PBX1: variants seen among roughly 807,000 people sequenced by gnomAD.
PBX1 encodes pre-B-cell leukemia transcription factor 1.
A neutral mutation model predicts 53.4 loss-of-function variants in PBX1; 6 were observed. The observed-to-expected ratio is 0.11, with a 90% CI of 0.06 to 0.22. The LOEUF is 0.22. PBX1 is among the 10% of genes least tolerant of loss of function. PBX1 has a pLI of 1.00. For synonymous variants in PBX1, 204 were observed against 212.3 expected, an observed-to-expected ratio of 0.96 and a Z score of 0.34; for missense variants, 251 against 551.4, an observed-to-expected ratio of 0.46 and a Z score of 5.46.
At chr1:164,756,222 G>T (rs891916632) in intron 2 of PBX1, among the ~76,000 whole-genome samples, 1 of 152,092 alleles carries the variant, frequency 6.6e-6, no homozygotes, top group Non-Finnish European at 1.5e-5. Context: ...GATGGCTGGG[G>T]ACAAAGACCA....
intron 2 of PBX1, among the ~76,000 whole-genome samples, chr1:164,861,200 C>T (rs934171553): frequency 1.3e-5 from 2 of 151,864 alleles, no homozygotes; most frequent in African/African-American, 4.8e-5. Context: ...CTCAGGATCT[C>T]GGTAGTTAGA....
intron 4 of PBX1, among the ~76,000 whole-genome samples, chr1:164,801,227 T>C (rs1669053524): frequency 6.6e-6 from 1 of 152,056 alleles, no homozygotes; most frequent in South Asian, 2.1e-4. Context: ...ATAGGCAAAA[T>C]CACCCTAAAG....
chr1:164,796,940 A>T (rs970069401), intron 3 of PBX1, among the ~76,000 whole-genome samples: 2 of 152,244 alleles, frequency 1.3e-5, no homozygotes, highest in African/African-American at 4.8e-5. Flanking sequence ...TTCTTTAGAT[A>T]CAAGGCTTGA....
intron 2 of PBX1, among the ~76,000 whole-genome samples, chr1:164,725,110 C>A (rs78063288): frequency 2.6e-5 from 4 of 151,980 alleles, no homozygotes; most frequent in Non-Finnish European, 5.9e-5. Flanking sequence ...CCCCCCACCC[C>A]CTTCCTGCAT....
intron 2 of PBX1, among the ~76,000 whole-genome samples, chr1:164,687,080 A>C (rs1195417865): frequency 1.3e-5 from 2 of 152,204 alleles, no homozygotes; most frequent in East Asian, 3.9e-4. Flanking sequence ...TGGCATGGGC[A>C]CCAGCAAGTC....
At chr1:164,799,585 G>C (rs1009955485) in intron 3 of PBX1, 114 bp from the exon 4 acceptor site, 3 of 900,126 alleles carry the variant, frequency 3.3e-6, no homozygotes, top group Non-Finnish European at 5.0e-6. Flanking sequence ...AACTATCCTA[G>C]TTTTCTTTAT....
intron 2 of PBX1, among the ~76,000 whole-genome samples, chr1:164,713,133 A>G (rs1472792420): frequency 6.6e-6 from 1 of 152,214 alleles, no homozygotes; most frequent in African/African-American, 2.4e-5. Context: ...TTAATGACTG[A>G]CACTAAACCC....
chr1:164,857,615 C>G (rs1199475046), intron 2 of PBX1, among the ~76,000 whole-genome samples: 1 of 152,166 alleles, frequency 6.6e-6, no homozygotes, highest in African/African-American at 2.4e-5. Flanking sequence ...CATACTTAAG[C>G]TGTCTAGTGG....
intron 2 of PBX1, among the ~76,000 whole-genome samples, chr1:164,676,974 C>T (rs1054114797): frequency 2.6e-5 from 4 of 152,094 alleles, no homozygotes; most frequent in Non-Finnish European, 5.9e-5. Context: ...CTAGTTTCTA[C>T]CTTTTTTTTT....
chr1:164,616,306 C>G (rs1406967038), intron 2 of PBX1, among the ~76,000 whole-genome samples: 2 of 152,086 alleles, frequency 1.3e-5, no homozygotes, highest in Non-Finnish European at 2.9e-5. Flanking sequence ...CTGCTGCCCT[C>G]TCAGCCCCTG....
rs183895977 is a variant in PBX1 at position 164,707,805 on chromosome 1, C to T, written c.266-84689C>T. 2.3e-3 allele frequency among the ~76,000 whole-genome samples: 349 copies of T among 152,242 alleles called. 1 individual carries two copies. Among genetic ancestry groups the T allele is most frequent in the South Asian group, 3.7e-3 (18 of 4,810 alleles). ...CATTATAGGTTGTCTGGGTGTTAGC[C>T]CCTTAAAGTGGTTTAATTTCCCACT... is the stretch of plus-strand genomic sequence containing the variant. On this transcript the variant is annotated intron_variant, in intron 2 of 8. Coordinates refer to ENST00000420696, the MANE Select transcript of PBX1 (RefSeq NM_002585.4).
chr1:164,679,646 G>A (rs1661638082), intron 2 of PBX1, among the ~76,000 whole-genome samples: 1 of 152,114 alleles, frequency 6.6e-6, no homozygotes, highest in African/African-American at 2.4e-5. Flanking sequence ...TGAATCTTAA[G>A]AAAAAGAAGA....
chr1:164,760,714 T>C (rs1218154163), intron 2 of PBX1, among the ~76,000 whole-genome samples: 1 of 152,248 alleles, frequency 6.6e-6, no homozygotes, highest in African/African-American at 2.4e-5. Flanking sequence ...TAATGCAGCA[T>C]GCGTTACAGA....
intron 2 of PBX1, among the ~76,000 whole-genome samples, chr1:164,722,534 C>A (rs1249471588): frequency 1.3e-5 from 2 of 152,166 alleles, no homozygotes; most frequent in East Asian, 1.9e-4. Context: ...GTATATTAAT[C>A]CACAGAAGAC....
chr1:164,856,394 C>T (rs1035075428), downstream of PBX1, among the ~76,000 whole-genome samples: 1 of 152,202 alleles, frequency 6.6e-6, no homozygotes, highest in Non-Finnish European at 1.5e-5. Context: ...TCCATCCCTT[C>T]TCTGTCTTGC....
intron 2 of PBX1, chr1:164,639,447 A>C (rs1658986080): frequency 6.6e-6 from 1 of 152,216 alleles, no homozygotes; most frequent in Admixed American, 6.5e-5. Flanking sequence ...ATCCATACAG[A>C]ATCAGTTAGG....
intron 2 of PBX1, among the ~76,000 whole-genome samples, chr1:164,576,513 G>C (rs1242120962): frequency 6.6e-6 from 1 of 152,210 alleles, no homozygotes; most frequent in Non-Finnish European, 1.5e-5. Flanking sequence ...CCCAGCGCAG[G>C]CCGCACGTCA....
At chr1:164,681,850 C>T (rs542889489) in intron 2 of PBX1, among the ~76,000 whole-genome samples, 19 of 152,096 alleles carry the variant, frequency 1.2e-4, no homozygotes, top group Non-Finnish European at 2.2e-4. Flanking sequence ...AAAAATTAAA[C>T]CCTTTTGTCC....
At chr1:164,837,619 G>C (rs149760444) in intron 8 of PBX1, among the ~76,000 whole-genome samples, 12 of 152,288 alleles carry the variant, frequency 7.9e-5, no homozygotes, top group Admixed American at 7.2e-4. Flanking sequence ...TATTTATTCA[G>C]ATATAAGTAG....
Sources: gnomAD v4.1 joint callset for allele counts (sites outside exome capture counted in the v4.1 genomes callset) on GRCh38, gnomAD v4.1.1 for gene constraint, MANE v1.5 for transcripts, NCBI Gene and HGNC (gene_info 2026-07-23, HGNC 2026-07-21) for gene names.